KCNJ8: variants seen among roughly 807,000 people sequenced by gnomAD.
The protein encoded by KCNJ8 is ATP-sensitive inward rectifier potassium channel 8.
KCNJ8 carries 13 observed loss-of-function variants against 28.2 expected under a neutral mutation model. The observed-to-expected ratio is 0.46, with a 90% CI of 0.30 to 0.73. KCNJ8 has a LOEUF of 0.73. KCNJ8 is among the 30% of genes least tolerant of loss of function. The pLI, the probability that KCNJ8 is intolerant of heterozygous loss-of-function variation, is 0.07. For synonymous variants in KCNJ8, 188 were observed against 195.9 expected (o/e 0.96, Z 0.34); for missense variants, 284 against 542.6 (o/e 0.52, Z 4.73).
At position 21,765,740 on chromosome 12, in the gene KCNJ8, T is replaced by C; in HGVS notation, c.1258A>G (p.Asn420Asp). The C allele has an allele frequency of 6.2e-7, 1 of 1,614,132 alleles. No homozygotes were observed. Among genetic ancestry groups the C allele is most frequent in the South Asian group, 1.1e-5 (1 of 91,090 alleles). ...VQFMTPEGNQ[N>D]TSES ...TCTTGCTGTCATGATTCCGATGTGT[T>C]TTGATTTCCTTCTGGAGTCATAAAT... The change falls in exon 3 of 3, where the codon AAC (asparagine) becomes GAC (aspartate). Residue 420 changes from asparagine (N) to aspartate (D), a missense_variant. Coordinates refer to ENST00000240662, the MANE Select transcript of KCNJ8 (RefSeq NM_004982.4).
chr12:21,774,406 C>G (rs1940839950), intron 1 of KCNJ8, 140 bp downstream of exon 1: 1 of 151,170 alleles, frequency 6.6e-6, no homozygotes, highest in African/African-American at 2.4e-5. Context: ...AAGACAACAG[C>G]CTGCGGGTTG....
At chr12:21,767,314 C>T (rs574942753) in intron 2 of KCNJ8, among the ~76,000 whole-genome samples, 71 of 117,144 alleles carry the variant, frequency 6.1e-4, no homozygotes, top group African/African-American at 2.5e-3. Context: ...CCCAACCCCC[C>T]CCCCCCCCAC....
intron 2 of KCNJ8, among the ~76,000 whole-genome samples, chr12:21,770,460 A>G (rs1940732212): frequency 6.6e-6 from 1 of 152,180 alleles, no homozygotes; most frequent in African/African-American, 2.4e-5. Flanking sequence ...CAATATCTCT[A>G]AGGTATACCT....
rs1940598394 is a variant in KCNJ8, at chr12:21,765,603, C to T, written c.*120G>A. On this transcript the variant is annotated 3_prime_UTR_variant, in exon 3 of 3. Transcript: ENST00000240662. ...AGTGCTGTTGCTTGAATATGAATATCATTTAGTGTAATAAAATGTAGAAGG... is the reference window on the plus strand; with the variant it reads ...AGTGCTGTTGCTTGAATATGAATATTATTTAGTGTAATAAAATGTAGAAGG... The T allele has an allele frequency of 1.1e-6, 1 of 874,632 alleles. No homozygotes were observed. Among genetic ancestry groups the T allele is most frequent in the Admixed American group, 1.8e-5 (1 of 57,092 alleles). The allele number at this position is 874,632 out of a possible 1,614,324, so 54.2% of individuals were successfully genotyped here. A position where few individuals can be genotyped will look rare whatever the true frequency, so the allele number is the denominator to read the frequency against.
chr12:21,772,562 A>C (rs1393045198), intron 2 of KCNJ8, among the ~76,000 whole-genome samples: 1 of 152,246 alleles, frequency 6.6e-6, no homozygotes, highest in Admixed American at 6.5e-5. Flanking sequence ...AAAGAAGAGT[A>C]CAAAATTAAA....
chr12:21,772,065 C>T (rs1940770552), intron 2 of KCNJ8, among the ~76,000 whole-genome samples: 1 of 152,164 alleles, frequency 6.6e-6, no homozygotes, highest in Admixed American at 6.5e-5. Flanking sequence ...GATCTCTGCG[C>T]ACTAATGCTG....
chr12:21,770,927 A>T (rs781185006), intron 2 of KCNJ8, among the ~76,000 whole-genome samples: 4 of 152,220 alleles, frequency 2.6e-5, no homozygotes, highest in Admixed American at 6.5e-5. Flanking sequence ...AGTACTTGGT[A>T]TGTACAGTGC....
rs2137052257 is a variant in KCNJ8 at position 21,773,715 on chromosome 12, T to G, written c.-70-29A>C. 1.3e-6 allele frequency: 2 copies of G among 1,541,858 alleles called. No homozygotes were observed. Among genetic ancestry groups the G allele is most frequent in the East Asian group, 2.2e-5 (1 of 44,610 alleles). ...CACGAGGGAAACATTTATTAAAAAC[T>G]TAAAAACCCACCCTATCCTCACCTC... On this transcript the variant is annotated intron_variant, in intron 1 of 2. Coordinates refer to ENST00000240662, the MANE Select transcript of KCNJ8 (RefSeq NM_004982.4). The surrounding 1 kb of genome is among the most constrained non-coding windows in gnomAD (Gnocchi z 4.6).
In KCNJ8 at chr12:21,773,434, G is replaced by T; in HGVS notation, c.183C>A (p.Phe61Leu). 6.2e-7 allele frequency: 1 copy of T among 1,614,272 alleles called. No homozygotes were observed. Among genetic ancestry groups the T allele is most frequent in the Non-Finnish European group, 8.5e-7 (1 of 1,180,050 alleles). ...REQGRFLQDI[F>L]TTLVDLKWRH... ...GCCATTTCAGGTCCACCAAGGTGGT[G>T]AAGATGTCCTGTAGAAAGCGTCCTT... Residue 61 changes from phenylalanine (F) to leucine (L), a missense_variant, in exon 2 of 3, where the codon TTC (phenylalanine) becomes TTA (leucine). By Grantham distance (22) the Phe-to-Leu change is conservative. Around this residue, in one of 8 missense-constraint regions of KCNJ8, gnomAD observed 9 missense variants for 42.8 expected, o/e 0.21. Coordinates refer to ENST00000240662, the MANE Select transcript of KCNJ8 (RefSeq NM_004982.4). This position sits in a 1 kb window ranked among gnomAD's most constrained non-coding sequence, Gnocchi z 4.6.
rs1211826894 is a variant in KCNJ8 at position 21,773,124 on chromosome 12, A to G, written c.374+119T>C. The G allele has an allele frequency of 8.3e-7, 1 of 1,198,522 alleles. No homozygotes were observed. Among genetic ancestry groups the G allele is most frequent in the African/African-American group, 1.5e-5 (1 of 66,316 alleles). 74.2% of individuals were successfully genotyped at this position (1,198,522 alleles called of 1,614,324 possible). Reference sequence around the variant, plus strand: ...TTATTGTGCTTTTTTGTTTCTGAAGATTCTAAAACAAACCCTTTATTTCAC... The same window carrying G: ...TTATTGTGCTTTTTTGTTTCTGAAGGTTCTAAAACAAACCCTTTATTTCAC... On this transcript the variant is annotated intron_variant, in intron 2 of 2. Coordinates refer to ENST00000240662, the MANE Select transcript of KCNJ8 (RefSeq NM_004982.4). The surrounding 1 kb of genome is among the most constrained non-coding windows in gnomAD (Gnocchi z 4.6).
At chr12:21,769,868 T>A (rs1048622244) in intron 2 of KCNJ8, among the ~76,000 whole-genome samples, 14 of 152,186 alleles carry the variant, frequency 9.2e-5, no homozygotes, top group African/African-American at 3.4e-4. Context: ...AGGAGTTGCT[T>A]CTTCTGGACA....
chr12:21,771,372 T>C (rs1420384671), intron 2 of KCNJ8, among the ~76,000 whole-genome samples: 4 of 152,228 alleles, frequency 2.6e-5, no homozygotes, highest in African/African-American at 9.6e-5. Flanking sequence ...TTTAGCTGTT[T>C]CTTTGTTCTG....
chr12:21,773,787 A>G lies in KCNJ8; in HGVS notation c.-70-101T>C. The stretch of plus-strand genomic sequence containing the variant: ...TATGTCTGTACATGTGCGAGGTGAC[A>G]TGCAAAACCAAAAATGTGATTTTTA... On this transcript the variant is annotated intron_variant, in intron 1 of 2. Coordinates refer to ENST00000240662, the MANE Select transcript of KCNJ8 (RefSeq NM_004982.4). The surrounding 1 kb of genome is among the most constrained non-coding windows in gnomAD (Gnocchi z 4.6). 1.2e-6 allele frequency: 1 copy of G among 808,038 alleles called. No homozygotes were observed. The highest frequency in any genetic ancestry group is 2.0e-6 in the Non-Finnish European group (1 of 511,550). 50.1% of individuals were successfully genotyped at this position (808,038 alleles called of 1,614,324 possible).
rs1940586366 is a variant in KCNJ8 at position 21,765,080 on chromosome 12, C to G, written c.*643G>C. ...GAACCCAGTCCTAAATGAGACAAGA[C>G]TTAGCTTTCCTTCAAAGACACCTTG... On this transcript the variant is annotated 3_prime_UTR_variant, in exon 3 of 3. Transcript: ENST00000240662. 6.4e-6 allele frequency: 1 copy of G among 156,712 alleles called. No individual in the cohort carries two copies. The highest frequency in any genetic ancestry group is 2.4e-5 in the African/African-American group (1 of 41,450). The allele number at this position is 156,712 out of a possible 1,614,324, so 9.7% of individuals were successfully genotyped here.
intron 2 of KCNJ8, among the ~76,000 whole-genome samples, chr12:21,769,700 G>A (rs1303460258): frequency 6.6e-6 from 1 of 152,124 alleles, no homozygotes; most frequent in Non-Finnish European, 1.5e-5. Context: ...TTGGGAAGAA[G>A]TTCATTCTAA....
Position 21,765,959 on chromosome 12 carries a change from T to G in KCNJ8, c.1039A>C (p.Lys347Gln). Residue 347 changes from lysine to glutamine, a missense_variant, in exon 3 of 3, where the codon AAA becomes CAA. Coordinates refer to ENST00000240662, the MANE Select transcript of KCNJ8 (RefSeq NM_004982.4). ...VDYSKFGNTV[K>Q]VAAPRCSARE... The stretch of plus-strand genomic sequence containing the variant: ...GCACTGCACCGTGGAGCAGCTACTT[T>G]AACAGTGTTGCCAAATTTGGAGTAA... 6.2e-7 allele frequency: 1 copy of G among 1,614,208 alleles called. No homozygotes were observed. Among genetic ancestry groups the G allele is most frequent in the South Asian group, 1.1e-5 (1 of 91,078 alleles).
intron 2 of KCNJ8, among the ~76,000 whole-genome samples, chr12:21,770,008 A>G (rs79270769): frequency 0.029 from 4,468 of 152,364 alleles, 225 homozygotes; most frequent in African/African-American, 0.1. Flanking sequence ...GGTTTTGAGA[A>G]GATTAGCTCC....
chr12:21,765,622 TAGA>T lies in KCNJ8; in HGVS notation c.*98_*100del, dbSNP rs1940599031. Reference sequence around the variant, plus strand: ...GAATATCATTTAGTGTAATAAAATGTAGAAGGACACATTATTGTGTTCCAGCTC... The same window carrying T: ...GAATATCATTTAGTGTAATAAAATGTAGGACACATTATTGTGTTCCAGCTC... On this transcript the variant is annotated 3_prime_UTR_variant, in exon 3 of 3. Transcript: ENST00000240662. 1.0e-6 allele frequency: 1 copy of T among 1,000,172 alleles called. No homozygotes were observed. Among genetic ancestry groups the T allele is most frequent in the Admixed American group, 1.7e-5 (1 of 59,014 alleles). The allele number at this position is 1,000,172 out of a possible 1,614,324, so 62.0% of individuals were successfully genotyped here. A position where few individuals can be genotyped will look rare whatever the true frequency, so the allele number is the denominator to read the frequency against.
At position 21,773,846 on chromosome 12, in the gene KCNJ8, T is replaced by C. The variant is rs923367090; in HGVS notation, c.-70-160A>G. ...AACATGAATCTAGCTTGTGCTTGAGTTCTGGGATCTCAGAAAAATTACTTG... is the reference window on the plus strand; with the variant it reads ...AACATGAATCTAGCTTGTGCTTGAGCTCTGGGATCTCAGAAAAATTACTTG... On this transcript the variant is annotated intron_variant, in intron 1 of 2. Coordinates refer to ENST00000240662, the MANE Select transcript of KCNJ8 (RefSeq NM_004982.4). This position sits in a 1 kb window ranked among gnomAD's most constrained non-coding sequence, Gnocchi z 4.6. Among the ~76,000 whole-genome samples the C allele has an allele frequency of 6.6e-6, 1 of 152,326 alleles. No homozygotes were observed. Among genetic ancestry groups the C allele is most frequent in the East Asian group, 1.9e-4 (1 of 5,184 alleles).
Sources: allele counts gnomAD v4.1 joint callset (sites outside exome capture counted in the v4.1 genomes callset), GRCh38; gene constraint gnomAD v4.1.1; regional missense constraint gnomAD v4.1.1; non-coding constraint Gnocchi (gnomAD v3.1); transcripts MANE v1.5; gene names NCBI Gene and HGNC (gene_info 2026-07-23, HGNC 2026-07-21).